The following TEN1 variants were observed in gnomAD, a reference collection of about 807,000 sequenced individuals.
TEN1 encodes CST complex subunit TEN1.
A neutral mutation model predicts 9.3 loss-of-function variants in TEN1; 6 were observed. That is an observed-to-expected ratio of 0.65 (90% CI 0.35 to 1.27). The LOEUF (loss-of-function observed/expected upper bound fraction) is 1.27. Ranked by LOEUF, TEN1 falls within the 50% of genes most tolerant of loss-of-function variation. The pLI is 0.03. For synonymous variants in TEN1, 65 were observed against 65.6 expected, an observed-to-expected ratio of 0.99 and a Z score of 0.04; for missense variants, 149 against 158.2, an observed-to-expected ratio of 0.94 and a Z score of 0.31.
intron 2 of TEN1, among the ~76,000 whole-genome samples, chr17:75,989,428 A>T (rs1449201427): frequency 1.5e-5 from 2 of 136,318 alleles, no homozygotes; most frequent in South Asian, 4.7e-4. Flanking sequence ...GTTTTTTTAA[A>T]TTGAGATGGA....
chr17:76,000,061 G>A lies in TEN1; in HGVS notation c.251-80G>A. 6.6e-7 allele frequency: 1 copy of A among 1,507,956 alleles called. No homozygotes were observed. Among genetic ancestry groups the A allele is most frequent in the South Asian group, 1.3e-5 (1 of 78,430 alleles). 93.4% of individuals were successfully genotyped at this position (1,507,956 alleles called of 1,614,324 possible). A position where few individuals can be genotyped will look rare whatever the true frequency, so the allele number is the denominator to read the frequency against. ...CAAAACCCAGGACTGAGCTGTGGAG[G>A]GAACAGCTGGAATGCACCTTGGAGG... On this transcript the variant is annotated intron_variant, in intron 3 of 3. Coordinates refer to ENST00000397640, the MANE Select transcript of TEN1 (RefSeq NM_001113324.3). The surrounding 1 kb of genome is among the most constrained non-coding windows in gnomAD (Gnocchi z 5.9).
At position 75,993,235 on chromosome 17, in the gene TEN1, C is replaced by G. The variant is rs2066197947; in HGVS notation, c.250+1612C>G. Reference sequence around the variant, plus strand: ...TCTCCTGCCTCAGCCTTCCGAGTAGCTGGGACTACAGGCATGCGCCACCAC... The same window carrying G: ...TCTCCTGCCTCAGCCTTCCGAGTAGGTGGGACTACAGGCATGCGCCACCAC... On this transcript the variant is annotated intron_variant, in intron 3 of 3. Coordinates refer to ENST00000397640, the MANE Select transcript of TEN1 (RefSeq NM_001113324.3). Among the ~76,000 whole-genome samples, 3 of 151,600 alleles carry G rather than the reference C, an allele frequency of 2.0e-5. No homozygotes were observed. The Admixed American group carries it at 2.0e-4, about 10-fold the overall frequency.
At chr17:75,994,777 G>T (rs2066209028) in intron 3 of TEN1, among the ~76,000 whole-genome samples, 1 of 152,086 alleles carries the variant, frequency 6.6e-6, no homozygotes, top group Non-Finnish European at 1.5e-5. Flanking sequence ...CGCCCGGCCT[G>T]TCTTGATTAT....
chr17:75,993,868 C>T (rs1326653984), intron 3 of TEN1, among the ~76,000 whole-genome samples: 3 of 152,008 alleles, frequency 2.0e-5, no homozygotes, highest in African/African-American at 7.3e-5. Context: ...TGGTGGCACA[C>T]GCCTGTAGTC....
chr17:75,989,097 CTTTTCTTT>C (rs1598212976), intron 2 of TEN1, among the ~76,000 whole-genome samples: 1 of 148,834 alleles, frequency 6.7e-6, no homozygotes, highest in South Asian at 2.1e-4. Flanking sequence ...TATTGATTTT[CTTTTCTTT>C]TTTTCTTTTT....
At chr17:75,996,906 G>C (rs1310567411) in intron 3 of TEN1, among the ~76,000 whole-genome samples, 1 of 151,994 alleles carries the variant, frequency 6.6e-6, no homozygotes, top group Non-Finnish European at 1.5e-5. Flanking sequence ...GAGCAGGGCC[G>C]GAGTTTCCCC....
chr17:75,995,532 A>G (rs940291820), intron 3 of TEN1, among the ~76,000 whole-genome samples: 63 of 152,282 alleles, frequency 4.1e-4, no homozygotes, highest in African/African-American at 1.4e-3. Context: ...AGAGCTAGCT[A>G]AGAAGACCAA....
At chr17:75,993,954 G>A (rs933107552) in intron 3 of TEN1, among the ~76,000 whole-genome samples, 10 of 151,696 alleles carry the variant, frequency 6.6e-5, no homozygotes, top group African/African-American at 1.5e-4. Context: ...AGCGGAGATC[G>A]TGCCACTGCA....
intron 2 of TEN1, 120 bp downstream of exon 2, chr17:75,986,404 T>TA (rs202117827): frequency 5.8e-3 from 5,476 of 937,568 alleles, no homozygotes; most frequent in South Asian, 6.7e-3. Flanking sequence ...GTTAAAATAC[T>TA]AAAAAAAAAA....
intron 1 of TEN1, among the ~76,000 whole-genome samples, chr17:75,985,819 C>G (rs963244029): frequency 6.6e-6 from 1 of 151,616 alleles, no homozygotes; most frequent in African/African-American, 2.4e-5. Flanking sequence ...CCACTGCACC[C>G]GGCCATGTTT....
chr17:75,986,776 G>C (rs2144347794), intron 2 of TEN1, among the ~76,000 whole-genome samples: 1 of 151,268 alleles, frequency 6.6e-6, no homozygotes, highest in East Asian at 1.9e-4. Flanking sequence ...AGTGTAGATA[G>C]TCCATAAAGG....
chr17:75,995,524 A>G (rs1323648709), intron 3 of TEN1, among the ~76,000 whole-genome samples: 2 of 152,202 alleles, frequency 1.3e-5, no homozygotes, highest in African/African-American at 2.4e-5. Flanking sequence ...TTTGCCTAAG[A>G]GCTAGCTAAG....
rs374589635 is a variant in TEN1 at position 75,985,318 on chromosome 17, G to A, written c.-6-869G>A. On this transcript the variant is annotated intron_variant, in intron 1 of 3. Transcript: ENST00000397640. ...GAGACACCACACCTGGCCCATTTTT[G>A]TATTTTTTTTGTGGAGATGGGCTGT... Among the ~76,000 whole-genome samples the A allele has an allele frequency of 3.8e-4, 58 of 151,696 alleles. 1 individual carries two copies. Among genetic ancestry groups the A allele is most frequent in the African/African-American group, 1.2e-3 (51 of 41,364 alleles).
At chr17:75,990,220 T>A (rs1056169889) in intron 2 of TEN1, among the ~76,000 whole-genome samples, 18 of 151,454 alleles carry the variant, frequency 1.2e-4, no homozygotes, top group African/African-American at 3.9e-4. Context: ...TAATTTTTTT[T>A]ATATTTTTAG....
rs913628512 is a variant in TEN1, at chr17:76,000,099, C to A, written c.251-42C>A. On this transcript the variant is annotated intron_variant, in intron 3 of 3. Transcript: ENST00000397640. This position sits in a 1 kb window ranked among gnomAD's most constrained non-coding sequence, Gnocchi z 5.9. ...TGCACCTTGGAGGACGTTGTTGACA[C>A]GCCGCTCAGTCGCCGTTCGTGCCCT... 3.2e-6 allele frequency: 5 copies of A among 1,542,286 alleles called. No homozygotes were observed. In the East Asian group the frequency reaches 7.4e-5, roughly 23 times the overall value.
intron 1 of TEN1, among the ~76,000 whole-genome samples, chr17:75,985,867 A>G (rs1366515165): frequency 1.8e-5 from 2 of 108,718 alleles, no homozygotes; most frequent in African/African-American, 1.5e-4. Flanking sequence ...TGTATATTAT[A>G]TCAAAAAAAT....
chr17:75,983,564 G>A (rs929679715), intron 1 of TEN1, among the ~76,000 whole-genome samples: 8 of 152,166 alleles, frequency 5.3e-5, no homozygotes, highest in African/African-American at 7.2e-5. Flanking sequence ...GGTTCCCACA[G>A]CACAAACGAA....
In TEN1 at chr17:75,991,459, C is replaced by T; in HGVS notation, c.93-7C>T. Reference sequence around the variant, plus strand: ...ATGGAAATTATTGCATTTCTTCTGCCTTCCAGGTTGTGCCTCTATGACATG... The same window carrying T: ...ATGGAAATTATTGCATTTCTTCTGCTTTCCAGGTTGTGCCTCTATGACATG... On this transcript the variant is annotated splice_region_variant and splice_polypyrimidine_tract_variant and intron_variant, in intron 2 of 3. Transcript: ENST00000397640. 4 of 1,552,070 alleles carry T rather than the reference C, an allele frequency of 2.6e-6. No individual in the cohort carries two copies. The South Asian group carries it at 4.8e-5, about 18-fold the overall frequency.
chr17:75,996,668 C>T (rs2066219238), intron 3 of TEN1, among the ~76,000 whole-genome samples: 1 of 138,180 alleles, frequency 7.2e-6, no homozygotes, highest in Non-Finnish European at 1.5e-5. Context: ...GAGACTGTAC[C>T]ACTGTACTGC....
Sources: allele counts gnomAD v4.1 joint callset (sites outside exome capture counted in the v4.1 genomes callset), GRCh38; gene constraint gnomAD v4.1.1; non-coding constraint Gnocchi (gnomAD v3.1); transcripts MANE v1.5; gene names NCBI Gene and HGNC (gene_info 2026-07-23, HGNC 2026-07-21).